Variants in WWOX observed in about 807,000 individuals in gnomAD.
WWOX encodes WW domain-containing oxidoreductase.
Under a neutral mutation model 46.2 loss-of-function variants are expected in WWOX, and 69 were observed. The observed-to-expected ratio is 1.49, with a 90% CI of 1.23 to 1.82. The LOEUF (loss-of-function observed/expected upper bound fraction) is 1.82, where lower values mean the gene tolerates loss of function less well. Among genes scored for constraint, WWOX ranks in the 40% most tolerant of loss-of-function variants. The pLI is 0.00. For missense variants in WWOX, 919 were observed against 542.6 expected, an observed-to-expected ratio of 1.69 and a Z score of -6.89; for synonymous variants, 359 against 202.6, an observed-to-expected ratio of 1.77 and a Z score of -6.56.
At chr16:78,526,048 G>A (rs3106330) in intron 8 of WWOX, 127,370 of 152,008 alleles carry the variant, frequency 0.84, 54,293 homozygotes, top group East Asian at 1. Context: ...TGATGAAAGA[G>A]GTTTCCTAAC....
At chr16:78,390,873 C>T (rs760791592) in intron 6 of WWOX, among the ~76,000 whole-genome samples, 1 of 152,182 alleles carries the variant, frequency 6.6e-6, no homozygotes, top group East Asian at 1.9e-4. Flanking sequence ...AGGAAAAAAT[C>T]CCTTAAATTT....
At chr16:78,753,856 GTATA>G (rs1264626542) in intron 8 of WWOX, among the ~76,000 whole-genome samples, 896 of 59,340 alleles carry the variant, frequency 0.015, 29 homozygotes, top group African/African-American at 0.049. Context: ...ATATATATAT[GTATA>G]TGTATATGTA....
Position 78,141,817 on chromosome 16 carries a change from A to G in WWOX, c.410-22366A>G, listed in dbSNP as rs536829791. Among the ~76,000 whole-genome samples the G allele has an allele frequency of 5.9e-5, 9 of 152,226 alleles. No individual in the cohort carries two copies. In the South Asian group the frequency reaches 1.7e-3, roughly 28 times the overall value. ...AAAGTAGTATTGATTTCAGAATTAT[A>G]CGGTGCTAAACAATGGAAATTTCCT... On this transcript the variant is annotated intron_variant, in intron 4 of 8. Coordinates refer to ENST00000566780, the MANE Select transcript of WWOX (RefSeq NM_016373.4).
At chr16:78,786,372 C>T (rs903618359) in intron 8 of WWOX, among the ~76,000 whole-genome samples, 3 of 152,124 alleles carry the variant, frequency 2.0e-5, no homozygotes, top group Non-Finnish European at 2.9e-5. Flanking sequence ...AGTTGGGGAA[C>T]ACGTTATTAT....
intron 5 of WWOX, among the ~76,000 whole-genome samples, chr16:78,295,920 C>G (rs906372755): frequency 1.3e-5 from 2 of 152,210 alleles, no homozygotes; most frequent in Non-Finnish European, 2.9e-5. Flanking sequence ...GTTTGGGTAT[C>G]ACATTAGATG....
chr16:78,437,064 T>A (rs190492484), intron 8 of WWOX, among the ~76,000 whole-genome samples: 1 of 152,192 alleles, frequency 6.6e-6, no homozygotes, highest in Non-Finnish European at 1.5e-5. Context: ...AGAGGGTGCT[T>A]CCTTCTGACA....
chr16:78,807,882 A>G (rs1330728678), intron 8 of WWOX, among the ~76,000 whole-genome samples: 1 of 152,236 alleles, frequency 6.6e-6, no homozygotes, highest in Non-Finnish European at 1.5e-5. Flanking sequence ...CCTCATTTCA[A>G]GTGCTCAGTA....
At chr16:78,392,455 C>T (rs538360825) in intron 6 of WWOX, among the ~76,000 whole-genome samples, 23 of 151,530 alleles carry the variant, frequency 1.5e-4, no homozygotes, top group South Asian at 6.2e-4. Context: ...TATATTACAA[C>T]GTAATAATAA....
chr16:78,468,727 A>G (rs528850957), intron 8 of WWOX, among the ~76,000 whole-genome samples: 25 of 152,326 alleles, frequency 1.6e-4, no homozygotes, highest in African/African-American at 6.0e-4. Context: ...AGGAGGGATG[A>G]TGGTACTTAC....
chr16:79,045,489 G>T (rs935883537), intron 8 of WWOX, among the ~76,000 whole-genome samples: 1 of 152,152 alleles, frequency 6.6e-6, no homozygotes. Flanking sequence ...CAGAAAGAGA[G>T]ACTATGTTGT....
At chr16:78,640,572 C>T (rs2046683254) in intron 8 of WWOX, among the ~76,000 whole-genome samples, 1 of 152,102 alleles carries the variant, frequency 6.6e-6, no homozygotes, top group Admixed American at 6.6e-5. Context: ...CAGCAAACCA[C>T]CATGGCACAC....
intron 8 of WWOX, among the ~76,000 whole-genome samples, chr16:78,761,870 T>C (rs1162353916): frequency 1.3e-5 from 2 of 152,318 alleles, no homozygotes; most frequent in South Asian, 4.1e-4. Context: ...ACTAGTTCAT[T>C]AGTGCTAACT....
chr16:78,428,905 A>T (rs2083150728), intron 7 of WWOX, among the ~76,000 whole-genome samples: 1 of 152,202 alleles, frequency 6.6e-6, no homozygotes, highest in Non-Finnish European at 1.5e-5. Context: ...ACATTAATGG[A>T]AAACATAGAA....
chr16:78,709,876 C>G (rs1258438262), intron 8 of WWOX, among the ~76,000 whole-genome samples: 1 of 151,828 alleles, frequency 6.6e-6, no homozygotes, highest in East Asian at 1.9e-4. Flanking sequence ...TTACAGGCAC[C>G]CGCCACCCGA....
intron 8 of WWOX, among the ~76,000 whole-genome samples, chr16:78,599,042 T>A (rs2045560158): frequency 6.6e-6 from 1 of 152,182 alleles, no homozygotes; most frequent in African/African-American, 2.4e-5. Flanking sequence ...ACAATCAAAC[T>A]GGACTTTGGG....
intron 8 of WWOX, among the ~76,000 whole-genome samples, chr16:78,975,021 C>T (rs116287016): frequency 9.8e-4 from 149 of 152,208 alleles, no homozygotes; most frequent in African/African-American, 3.1e-3. Flanking sequence ...CTGGTGAGAC[C>T]GTTGTTGGAT....
intron 8 of WWOX, among the ~76,000 whole-genome samples, chr16:78,920,698 A>G (rs1036602448): frequency 1.3e-5 from 2 of 152,184 alleles, no homozygotes; most frequent in East Asian, 3.9e-4. Context: ...GTAAAGAGTG[A>G]TGGAGACAGA....
intron 8 of WWOX, among the ~76,000 whole-genome samples, chr16:79,066,290 C>G (rs1166673247): frequency 6.6e-6 from 1 of 152,202 alleles, no homozygotes; most frequent in Admixed American, 6.5e-5. Context: ...CCTGCTTCCT[C>G]CCGCACACTG....
chr16:78,542,935 A>G (rs746909147), intron 8 of WWOX, among the ~76,000 whole-genome samples: 2 of 152,246 alleles, frequency 1.3e-5, no homozygotes, highest in Non-Finnish European at 2.9e-5. Flanking sequence ...CAGAACCAAT[A>G]GAAAAATGAG....
Sources: allele counts gnomAD v4.1 joint callset (sites outside exome capture counted in the v4.1 genomes callset), GRCh38; gene constraint gnomAD v4.1.1; transcripts MANE v1.5; gene names NCBI Gene and HGNC (gene_info 2026-07-23, HGNC 2026-07-21).